Variants in RCAN2 observed in about 807,000 individuals in gnomAD.
RCAN2 encodes calcipressin-2.
In RCAN2, 9 loss-of-function variants were observed where a neutral mutation model predicts 23.6. That is an observed-to-expected ratio of 0.38 (90% CI 0.23 to 0.67). RCAN2 has a LOEUF of 0.67. Ranked by LOEUF, RCAN2 falls within the 30% of genes least tolerant of loss-of-function variation. The probability of loss-of-function intolerance (pLI) is 0.51; values close to 1 mark genes in which losing one functional copy is unlikely to be tolerated. For missense variants in RCAN2, 273 were observed against 302.3 expected, an observed-to-expected ratio of 0.90 and a Z score of 0.72; for synonymous variants, 109 against 115.7, an observed-to-expected ratio of 0.94 and a Z score of 0.37.
chr6:46,480,903 T>C (rs1768841499), intron 1 of RCAN2, among the ~76,000 whole-genome samples: 1 of 152,228 alleles, frequency 6.6e-6, no homozygotes, highest in South Asian at 2.1e-4. Flanking sequence ...ATTACAGGCG[T>C]GAGCCACTGC....
chr6:46,419,591 T>C (rs73735755), intron 2 of RCAN2, among the ~76,000 whole-genome samples: 1 of 152,356 alleles, frequency 6.6e-6, no homozygotes, highest in African/African-American at 2.4e-5. Flanking sequence ...CTAAGCAGAT[T>C]ATTTGTTTAT....
intron 2 of RCAN2, among the ~76,000 whole-genome samples, chr6:46,440,074 T>C (rs1344988609): frequency 1.3e-5 from 2 of 152,226 alleles, no homozygotes. Context: ...ATTGAAACTA[T>C]AGCATCTTCC....
At chr6:46,472,212 T>C (rs1462525387) in intron 1 of RCAN2, among the ~76,000 whole-genome samples, 1 of 152,236 alleles carries the variant, frequency 6.6e-6, no homozygotes, top group Non-Finnish European at 1.5e-5. Context: ...TTGGGCCAGC[T>C]TGGGGATCTG....
intron 2 of RCAN2, among the ~76,000 whole-genome samples, chr6:46,314,158 T>C (rs1763350184): frequency 6.6e-6 from 1 of 151,990 alleles, no homozygotes. Flanking sequence ...GGCCAGGGGT[T>C]CGAGGCCAGC....
chr6:46,468,720 C>G (rs1768464033), intron 1 of RCAN2: 2 of 679,742 alleles, frequency 2.9e-6, no homozygotes, highest in African/African-American at 2.0e-5. Context: ...AATGTAATAC[C>G]CTCAGATTCC....
At chr6:46,320,478 G>A (rs1274689175) in intron 2 of RCAN2, among the ~76,000 whole-genome samples, 1 of 152,166 alleles carries the variant, frequency 6.6e-6, no homozygotes, top group East Asian at 1.9e-4. Context: ...TGATGTGCTG[G>A]TCTTTTTCAT....
chr6:46,414,310 A>G (rs909157990), intron 2 of RCAN2, among the ~76,000 whole-genome samples: 7 of 152,198 alleles, frequency 4.6e-5, no homozygotes, highest in African/African-American at 1.7e-4. Context: ...AAGGCCTTGT[A>G]AAGTGTGGTA....
intron 2 of RCAN2, among the ~76,000 whole-genome samples, chr6:46,430,101 CA>C (rs1258474289): frequency 1.3e-5 from 2 of 152,142 alleles, no homozygotes; most frequent in South Asian, 4.2e-4. Context: ...GCTTTGAAAC[CA>C]AAAAACTAAA....
intron 2 of RCAN2, among the ~76,000 whole-genome samples, chr6:46,399,387 C>T (rs894796959): frequency 2.0e-5 from 3 of 150,962 alleles, no homozygotes; most frequent in African/African-American, 2.4e-5. Flanking sequence ...AGGAAGGTGC[C>T]AGGAAAACTA....
rs924525154 is a variant in RCAN2, at chr6:46,221,914, A to C, written c.*1227T>G. The C allele has an allele frequency of 1.0e-5, 4 of 398,390 alleles. No individual in the cohort carries two copies. Among genetic ancestry groups the C allele is most frequent in the Admixed American group, 4.4e-5 (1 of 22,710 alleles). 24.7% of individuals were successfully genotyped at this position (398,390 alleles called of 1,614,324 possible). A position where few individuals can be genotyped will look rare whatever the true frequency, so the allele number is the denominator to read the frequency against. ...AGAAAAATCACACGTAACAAAAACA[A>C]ATAACTTTTTTGAGCACACGGGTGT... On this transcript the variant is annotated 3_prime_UTR_variant, in exon 5 of 5. Transcript: ENST00000371374.
chr6:46,481,682 A>G (rs1768863740), intron 1 of RCAN2, among the ~76,000 whole-genome samples: 1 of 152,200 alleles, frequency 6.6e-6, no homozygotes, highest in South Asian at 2.1e-4. Context: ...CTGAAGAAGT[A>G]ATATCTGGTC....
chr6:46,484,607 A>G lies in RCAN2; in HGVS notation c.-3+6566T>C, dbSNP rs975121387. Among the ~76,000 whole-genome samples the G allele has an allele frequency of 2.0e-5, 3 of 152,238 alleles. No homozygotes were observed. The East Asian group carries it at 5.8e-4, about 29-fold the overall frequency. On this transcript the variant is annotated intron_variant, in intron 1 of 4. Transcript: ENST00000371374. ...TTCTCACATAAGCAGAGTTTGTTCT[A>G]TTCTACTTAGCATAAGTCCGCGTTA...
intron 2 of RCAN2, among the ~76,000 whole-genome samples, chr6:46,393,490 TG>T (rs1184772623): frequency 6.6e-6 from 1 of 152,060 alleles, no homozygotes; most frequent in East Asian, 1.9e-4. Context: ...GGGGAAACGG[TG>T]GGATGAGGGG....
At chr6:46,345,503 C>T (rs184123189) in intron 2 of RCAN2, among the ~76,000 whole-genome samples, 1 of 152,154 alleles carries the variant, frequency 6.6e-6, no homozygotes, top group East Asian at 1.9e-4. Flanking sequence ...ACATGTTGGA[C>T]TATAAAACGA....
chr6:46,447,202 A>C (rs1170065870), intron 2 of RCAN2, among the ~76,000 whole-genome samples: 1 of 152,096 alleles, frequency 6.6e-6, no homozygotes, highest in Non-Finnish European at 1.5e-5. Flanking sequence ...TAGATAAAAT[A>C]GAATTTATAT....
intron 1 of RCAN2, among the ~76,000 whole-genome samples, chr6:46,467,432 G>A (rs954235275): frequency 2.0e-5 from 3 of 152,158 alleles, no homozygotes; most frequent in African/African-American, 2.4e-5. Flanking sequence ...ACAATGACTC[G>A]GACACACCAT....
At chr6:46,340,766 A>C (rs549783223) in intron 2 of RCAN2, among the ~76,000 whole-genome samples, 1 of 152,336 alleles carries the variant, frequency 6.6e-6, no homozygotes, top group Admixed American at 6.5e-5. Flanking sequence ...ATGTATGTAC[A>C]TGTGTGTGTG....
At chr6:46,336,180 C>T (rs1764135562) in intron 2 of RCAN2, among the ~76,000 whole-genome samples, 1 of 152,166 alleles carries the variant, frequency 6.6e-6, no homozygotes, top group Admixed American at 6.5e-5. Flanking sequence ...AAGAAATTGG[C>T]ATCTCGAAGT....
chr6:46,281,509 T>C (rs1767916560), intron 2 of RCAN2, among the ~76,000 whole-genome samples: 1 of 152,198 alleles, frequency 6.6e-6, no homozygotes, highest in South Asian at 2.1e-4. Flanking sequence ...AGGCATGACT[T>C]TAAAACAAGT....
Sources: allele counts gnomAD v4.1 joint callset (sites outside exome capture counted in the v4.1 genomes callset), GRCh38; gene constraint gnomAD v4.1.1; transcripts MANE v1.5; gene names NCBI Gene and HGNC (gene_info 2026-07-23, HGNC 2026-07-21).